Variants in DLG5 observed in about 807,000 individuals in gnomAD.
DLG5 encodes the protein discs large MAGUK scaffold protein 5.
A neutral mutation model predicts 189.8 loss-of-function variants in DLG5; 48 were observed. The ratio of observed to expected loss-of-function variants is 0.25; its 90% CI spans 0.20 to 0.32. The LOEUF (loss-of-function observed/expected upper bound fraction) is 0.32. Among genes scored for constraint, DLG5 ranks in the 10% least tolerant of loss-of-function variants. DLG5 has a pLI of 1.00. For missense variants in DLG5, 2,160 were observed against 2,544.7 expected (o/e 0.85, Z 3.25); for synonymous variants, 1,016 against 1,054.1 (o/e 0.96, Z 0.70).
In DLG5 at chr10:77,821,842, G is replaced by A; in HGVS notation, c.2642C>T (p.Pro881Leu). The change falls in exon 15 of 32, where the codon CCC (proline) becomes CTC (leucine). Residue 881 changes from proline to leucine, a missense_variant. By Grantham distance (98) the Pro-to-Leu change is moderately conservative. Around this residue, in one of 5 missense-constraint regions of DLG5, gnomAD observed 754 missense variants for 746.5 expected, o/e 1.01. Coordinates refer to ENST00000372391, the MANE Select transcript of DLG5 (RefSeq NM_004747.4). The part of the protein sequence containing the change: ...PFPGGPLQVC[P>L]QACPSASERS... ...CTCAGAGGCACTGGGACAGGCCTGG[G>A]GGCAGACCTGCAAGGGTCCCCCAGG... is the stretch of plus-strand genomic sequence containing the variant. 1.2e-6 allele frequency: 2 copies of A among 1,613,894 alleles called. No individual in the cohort carries two copies. Among genetic ancestry groups the A allele is most frequent in the South Asian group, 1.1e-5 (1 of 91,078 alleles).
At chr10:77,810,817 ACAGACT>A (rs1338411058) in intron 23 of DLG5, among the ~76,000 whole-genome samples, 1 of 152,258 alleles carries the variant, frequency 6.6e-6, no homozygotes, top group East Asian at 1.9e-4. Context: ...GTGTCCAAAG[ACAGACT>A]CAGAAAGCGA....
chr10:77,933,295 G>GT, the DLG5 span, among the ~76,000 whole-genome samples: 9 of 151,006 alleles, frequency 6.0e-5, no homozygotes, highest in South Asian at 2.1e-4. Context: ...TTTGTTTTTT[G>GT]TTTTTTTTGA....
chr10:77,840,204 C>T (rs933705112), intron 7 of DLG5, among the ~76,000 whole-genome samples: 11 of 151,318 alleles, frequency 7.3e-5, no homozygotes, highest in African/African-American at 1.9e-4. Context: ...ATAGTGAGAC[C>T]GCATCACTAC....
chr10:77,916,458 AATTTTTGT>A (rs1404628732), intron 1 of DLG5, among the ~76,000 whole-genome samples: 2 of 151,790 alleles, frequency 1.3e-5, no homozygotes, highest in Admixed American at 1.3e-4. Context: ...CGCCCGGCTA[AATTTTTGT>A]ATTTTTAGTA....
rs374472842 is a variant in DLG5, at chr10:77,805,622, C to G, written c.5164+43G>C. On this transcript the variant is annotated intron_variant, in intron 27 of 31. Coordinates refer to ENST00000372391, the MANE Select transcript of DLG5 (RefSeq NM_004747.4). ...GTGGAGCTCCTGGATCCACAGCAAG[C>G]CCCATCTGGAGAGCCCACTGGAAAA... 9 of 1,563,174 alleles carry G rather than the reference C, an allele frequency of 5.8e-6. No homozygotes were observed. The African/African-American group carries it at 6.8e-5, about 12-fold the overall frequency.
intron 1 of DLG5, among the ~76,000 whole-genome samples, chr10:77,875,741 T>A (rs1035520296): frequency 2.0e-5 from 3 of 151,948 alleles, no homozygotes; most frequent in African/African-American, 7.3e-5. Flanking sequence ...AGGGCTCATA[T>A]CCTACTATTA....
chr10:77,871,135 T>C (rs1021945179), intron 1 of DLG5, among the ~76,000 whole-genome samples: 1 of 152,132 alleles, frequency 6.6e-6, no homozygotes, highest in Non-Finnish European at 1.5e-5. Context: ...AATGGGTAGG[T>C]GTCTTGTCTC....
chr10:77,914,438 A>G (rs1374555712), intron 1 of DLG5, among the ~76,000 whole-genome samples: 3 of 152,150 alleles, frequency 2.0e-5, no homozygotes, highest in Admixed American at 6.5e-5. Context: ...CCCTGGGTGA[A>G]TATTATTAGC....
intron 2 of DLG5, among the ~76,000 whole-genome samples, chr10:77,867,657 T>G (rs1844737261): frequency 6.6e-6 from 1 of 152,238 alleles, no homozygotes; most frequent in South Asian, 2.1e-4. Context: ...GGAACTGTGT[T>G]TTTATGGGTG....
chr10:77,891,379 T>C (rs1845602101), intron 1 of DLG5, among the ~76,000 whole-genome samples: 1 of 152,202 alleles, frequency 6.6e-6, no homozygotes, highest in Admixed American at 6.5e-5. Flanking sequence ...GATGTGGTCC[T>C]GCTGAGGACT....
At chr10:77,858,095 C>T (rs576582782) in intron 2 of DLG5, among the ~76,000 whole-genome samples, 1 of 152,250 alleles carries the variant, frequency 6.6e-6, no homozygotes, top group South Asian at 2.1e-4. Context: ...GCATGACAAG[C>T]CAGACCACAG....
intron 1 of DLG5, among the ~76,000 whole-genome samples, chr10:77,888,002 T>C (rs1191459867): frequency 1.3e-5 from 2 of 152,194 alleles, no homozygotes; most frequent in African/African-American, 4.8e-5. Flanking sequence ...GCAATTTTCA[T>C]ATTTCCTAGG....
intron 27 of DLG5, among the ~76,000 whole-genome samples, chr10:77,797,769 A>G (rs1840996930): frequency 6.6e-6 from 1 of 152,230 alleles, no homozygotes; most frequent in South Asian, 2.1e-4. Context: ...CAGAAGGCTC[A>G]GGAGAACACA....
chr10:77,926,591 G>C lies in DLG5; in HGVS notation c.-71C>G. 8.7e-7 allele frequency: 1 copy of C among 1,146,996 alleles called. No homozygotes were observed. The highest frequency in any genetic ancestry group is 1.6e-5 in the African/African-American group (1 of 61,164). The allele number at this position is 1,146,996 out of a possible 1,614,324, so 71.1% of individuals were successfully genotyped here. Reference sequence around the variant, plus strand: ...CCCCGAGGCCGGCGGGCGGGCAGGCGAGCACCTCGGCAGCAGCCCTAGGGC... The same window carrying C: ...CCCCGAGGCCGGCGGGCGGGCAGGCCAGCACCTCGGCAGCAGCCCTAGGGC... On this transcript the variant is annotated 5_prime_UTR_variant, in exon 1 of 32. Transcript: ENST00000372391. The surrounding 1 kb of genome is among the most constrained non-coding windows in gnomAD (Gnocchi z 5.2).
chr10:77,796,926 C>T lies in DLG5; in HGVS notation c.5165-332G>A, dbSNP rs1375396487. Among the ~76,000 whole-genome samples, 1 of 152,200 alleles carries T rather than the reference C, an allele frequency of 6.6e-6. No individual in the cohort carries two copies. Among genetic ancestry groups the T allele is most frequent in the African/African-American group, 2.4e-5 (1 of 41,456 alleles). On this transcript the variant is annotated intron_variant, in intron 27 of 31. Transcript: ENST00000372391. The surrounding 1 kb of genome is among the most constrained non-coding windows in gnomAD (Gnocchi z 5.2). ...CCTCTGCTCTCTGGCAAGGCAGCCT[C>T]TGGGGTTTGGCAGGTAAAGCTCCCA...
intron 1 of DLG5, among the ~76,000 whole-genome samples, chr10:77,888,788 T>A (rs1845521049): frequency 6.6e-6 from 1 of 152,148 alleles, no homozygotes; most frequent in African/African-American, 2.4e-5. Context: ...TTAAACCAAG[T>A]CAACTAATAT....
At position 77,837,718 on chromosome 10, in the gene DLG5, A is replaced by T. The variant is rs187924834; in HGVS notation, c.1438-1796T>A. 3.9e-5 allele frequency among the ~76,000 whole-genome samples: 6 copies of T among 152,260 alleles called. No individual in the cohort carries two copies. In the East Asian group the frequency reaches 1.2e-3, roughly 29 times the overall value. ...AGAAGTGACTCGCCAGGGCTCCCCC[A>T]TCCTGCAGAGCTGATCAGTACTGGC... is the stretch of plus-strand genomic sequence containing the variant. On this transcript the variant is annotated intron_variant, in intron 7 of 31. Transcript: ENST00000372391.
chr10:77,887,757 T>G (rs1845481767), intron 1 of DLG5, among the ~76,000 whole-genome samples: 1 of 152,154 alleles, frequency 6.6e-6, no homozygotes, highest in Admixed American at 6.6e-5. Flanking sequence ...CCAGGCCATC[T>G]CCAGAAAATA....
intron 26 of DLG5, 29 bp downstream of exon 26, chr10:77,806,729 A>AC: frequency 6.2e-6 from 5 of 809,810 alleles, no homozygotes; most frequent in Non-Finnish European, 5.6e-6. Context: ...CCCCTGCCCC[A>AC]CCCCACCCCA....
Sources: gnomAD v4.1 joint callset for allele counts (sites outside exome capture counted in the v4.1 genomes callset) on GRCh38, gnomAD v4.1.1 for gene constraint, gnomAD v4.1.1 regional missense constraint, Gnocchi (gnomAD v3.1) non-coding constraint, MANE v1.5 for transcripts, NCBI Gene and HGNC (gene_info 2026-07-23, HGNC 2026-07-21) for gene names.